The following NHSL3 variants were observed in gnomAD, a reference collection of about 807,000 sequenced individuals.
NHSL3 encodes the protein NHS like 3.
At chr1:32,751,992 A>G in the NHSL3 span, among the ~76,000 whole-genome samples, 1 of 152,122 alleles carries the variant, frequency 6.6e-6, no homozygotes, top group Non-Finnish European at 1.5e-5. Flanking sequence ...ATCCTTGGGT[A>G]TTCCCTCTAC....
At chr1:32,772,433 CG>C in the NHSL3 span, 1 of 1,521,390 alleles carries the variant, frequency 6.6e-7, no homozygotes, top group Admixed American at 2.2e-5. Flanking sequence ...ATGGGCCTCC[CG>C]GGCTCAGGTA....
At chr1:32,759,318 C>T in the NHSL3 span, among the ~76,000 whole-genome samples, 1 of 152,152 alleles carries the variant, frequency 6.6e-6, no homozygotes, top group African/African-American at 2.4e-5. Flanking sequence ...CTTTCTTCTC[C>T]TTACTCTGTG....
At chr1:32,768,669 G>C in the NHSL3 span, 2 of 1,614,128 alleles carry the variant, frequency 1.2e-6, no homozygotes, top group Non-Finnish European at 1.7e-6. Context: ...GGACGGGGCC[G>C]GATGAAGACA....
At chr1:32,742,210 G>T in the NHSL3 span, 1 of 1,245,564 alleles carries the variant, frequency 8.0e-7, no homozygotes, top group East Asian at 3.2e-5. Flanking sequence ...CGGCACCTGG[G>T]CTGAGCGCGG....
chr1:32,752,334 C>T, the NHSL3 span, among the ~76,000 whole-genome samples: 69 of 152,206 alleles, frequency 4.5e-4, no homozygotes, highest in African/African-American at 1.5e-3. Context: ...AGAGGTAGCA[C>T]GGTATAGTGG....
At chr1:32,771,048 G>A in the NHSL3 span, 1 of 1,613,400 alleles carries the variant, frequency 6.2e-7, no homozygotes, top group South Asian at 1.1e-5. Flanking sequence ...GCTCCCCTGG[G>A]GCCTCCGTCT....
the NHSL3 span, chr1:32,770,366 TCTC>T: frequency 1.8e-5 from 29 of 1,608,962 alleles, no homozygotes; most frequent in East Asian, 2.2e-5. This position sits in a 1 kb window ranked among gnomAD's most constrained non-coding sequence, Gnocchi z 8.3. Context: ...CTGGGGCGCT[TCTC>T]CTCCGTCTCC....
the NHSL3 span, chr1:32,765,915 G>C: frequency 7.7e-7 from 1 of 1,304,572 alleles, no homozygotes; most frequent in Non-Finnish European, 1.1e-6. Context: ...TCAAGGCTGG[G>C]CAAAAGTAAT....
the NHSL3 span, chr1:32,768,762 G>T: frequency 6.2e-7 from 1 of 1,613,872 alleles, no homozygotes; most frequent in Non-Finnish European, 8.5e-7. Context: ...GCTCGGAGAT[G>T]ATCCAGCGCA....
At chr1:32,756,697 A>C in the NHSL3 span, among the ~76,000 whole-genome samples, 50 of 143,400 alleles carry the variant, frequency 3.5e-4, no homozygotes, top group African/African-American at 1.3e-3. Flanking sequence ...GGCTGGATGC[A>C]GTAGCTCACA....
chr1:32,774,656 C>G, the NHSL3 span: 1 of 152,468 alleles, frequency 6.6e-6, no homozygotes, highest in Non-Finnish European at 1.5e-5. Flanking sequence ...GAACTCTATC[C>G]TGTTAGGATC....
At chr1:32,765,406 A>ACCCCC in the NHSL3 span, among the ~76,000 whole-genome samples, 1 of 152,146 alleles carries the variant, frequency 6.6e-6, no homozygotes, top group African/African-American at 2.4e-5. Context: ...GGCAGCTGGG[A>ACCCCC]CCCCTGCCTT....
At chr1:32,759,960 G>A in the NHSL3 span, among the ~76,000 whole-genome samples, 1 of 152,240 alleles carries the variant, frequency 6.6e-6, no homozygotes, top group African/African-American at 2.4e-5. Flanking sequence ...ACCGTAAAGT[G>A]CCTCCACCTG....
At chr1:32,760,223 G>A in the NHSL3 span, among the ~76,000 whole-genome samples, 25 of 152,162 alleles carry the variant, frequency 1.6e-4, no homozygotes, top group African/African-American at 6.0e-4. Flanking sequence ...GGCCTCCTGA[G>A]CAAGGCCACC....
the NHSL3 span, chr1:32,771,480 C>T: frequency 3.2e-6 from 5 of 1,582,634 alleles, no homozygotes; most frequent in Admixed American, 6.9e-5. Context: ...TCCAAGATCC[C>T]AACTGGCCCC....
At chr1:32,758,480 C>T in the NHSL3 span, among the ~76,000 whole-genome samples, 1 of 152,220 alleles carries the variant, frequency 6.6e-6, no homozygotes, top group African/African-American at 2.4e-5. Context: ...CTGGACAAGG[C>T]TCCCTCCTCC....
chr1:32,769,800 TAGG>T, the NHSL3 span: 2 of 1,612,648 alleles, frequency 1.2e-6, no homozygotes, highest in Non-Finnish European at 1.7e-6. Context: ...AGGCCTGGGT[TAGG>T]AGGGCAGTGG....
chr1:32,767,823 T>C, the NHSL3 span: 16 of 1,613,704 alleles, frequency 9.9e-6, no homozygotes, highest in South Asian at 1.6e-4. Flanking sequence ...CATCTAAGTG[T>C]AGGGCCTGGC....
At chr1:32,762,525 C>G in the NHSL3 span, among the ~76,000 whole-genome samples, 1 of 150,302 alleles carries the variant, frequency 6.7e-6, no homozygotes, top group East Asian at 1.9e-4. Context: ...TGCAGTGGTA[C>G]AATTATAGCT....
Sources: gnomAD v4.1 joint callset for allele counts (sites outside exome capture counted in the v4.1 genomes callset) on GRCh38, gnomAD v4.1.1 for gene constraint, Gnocchi (gnomAD v3.1) non-coding constraint, MANE v1.5 for transcripts, NCBI Gene and HGNC (gene_info 2026-07-23, HGNC 2026-07-21) for gene names.